CHI3L1: variants seen among roughly 807,000 people sequenced by gnomAD.
The protein encoded by CHI3L1 is chitinase 3 like 1.
In CHI3L1, 30 loss-of-function variants were observed where a neutral mutation model predicts 40.7. The ratio of observed to expected loss-of-function variants is 0.74; its 90% CI spans 0.55 to 1.00. The LOEUF (loss-of-function observed/expected upper bound fraction) is 1.00, where lower values mean the gene tolerates loss of function less well. Ranked by LOEUF, CHI3L1 falls within the 50% of genes least tolerant of loss-of-function variation. The probability of loss-of-function intolerance (pLI) is 0.00; values close to 1 mark genes in which losing one functional copy is unlikely to be tolerated. For missense variants in CHI3L1, 493 were observed against 492.2 expected, an observed-to-expected ratio of 1.00 and a Z score of -0.01; for synonymous variants, 210 against 192.1, an observed-to-expected ratio of 1.09 and a Z score of -0.77.
chr1:203,183,489 G>C, intron 5 of CHI3L1, 152 bp downstream of exon 5: 1 of 742,588 alleles, frequency 1.3e-6, no homozygotes, highest in Non-Finnish European at 2.2e-6. Flanking sequence ...TGCTATGTGA[G>C]ATCTTCAGGG....
At position 203,184,590 on chromosome 1, in the gene CHI3L1, G is replaced by T; in HGVS notation, c.300C>A (p.Asn100Lys). 3 of 1,613,984 alleles carry T rather than the reference G, an allele frequency of 1.9e-6. No homozygotes were observed. The highest frequency in any genetic ancestry group is 2.5e-6 in the Non-Finnish European group (3 of 1,179,878). The change falls in exon 4 of 10, where the codon AAC becomes AAA. Residue 100 changes from asparagine to lysine, a missense_variant. Transcript: ENST00000255409. ...GAGGCTCCTACCTTTGAGACCCAAA[G>T]TTCCATCCTCCGACAGACAAGAGAG... ...LKTLLSVGGW[N>K]FGSQRFSKIA...
intron 1 of CHI3L1, 124 bp downstream of exon 1, chr1:203,186,475 C>T (rs1172446235): frequency 4.6e-5 from 68 of 1,470,056 alleles, no homozygotes; most frequent in Non-Finnish European, 6.4e-5. Flanking sequence ...CCTCCCCTGG[C>T]TCTGCTTCTC....
In CHI3L1 at chr1:203,185,242, C is replaced by T. The variant is rs199705137; in HGVS notation, c.199G>A (p.Asp67Asn). 250 of 1,614,100 alleles carry T rather than the reference C, an allele frequency of 1.5e-4. 1 individual carries two copies. The highest frequency in any genetic ancestry group is 1.9e-4 in the Non-Finnish European group (230 of 1,180,012). ...SFANISNDHI[D>N]TWEWNDVTLY... is the part of the protein sequence containing the mutation. ...GTCACATCATTCCACTCCCAGGTGTCGATGTGATCGTTGCTTATATTGGCA... is the reference window on the plus strand; with the variant it reads ...GTCACATCATTCCACTCCCAGGTGTTGATGTGATCGTTGCTTATATTGGCA... Residue 67 changes from aspartate to asparagine, a missense_variant, in exon 3 of 10, where the codon GAC becomes AAC. Coordinates refer to ENST00000255409, the MANE Select transcript of CHI3L1 (RefSeq NM_001276.4).
chr1:203,180,833 A>G (rs1655920547), intron 7 of CHI3L1, among the ~76,000 whole-genome samples, 181 bp from the exon 8 acceptor site: 1 of 152,184 alleles, frequency 6.6e-6, no homozygotes, highest in African/African-American at 2.4e-5. Context: ...CTTGAAAAAA[A>G]TCCTTTGAGG....
chr1:203,183,126 C>A (rs1231518319), intron 5 of CHI3L1, among the ~76,000 whole-genome samples: 3 of 152,154 alleles, frequency 2.0e-5, no homozygotes, highest in African/African-American at 7.2e-5. Context: ...AGTGGGTGAC[C>A]CCTATTGGCC....
rs780043762 is a variant in CHI3L1 at position 203,179,464 on chromosome 1, T to A, written c.1133A>T (p.Asp378Val). The A allele has an allele frequency of 7.8e-6, 12 of 1,545,886 alleles. No individual in the cohort carries two copies. The East Asian group carries it at 2.7e-4, about 35-fold the overall frequency. The change falls in exon 10 of 10, where the codon GAT (aspartate) becomes GTT (valine). Residue 378 changes from aspartate (D) to valine (V), a missense_variant. Transcript: ENST00000255409. ...AGAGGGCTACGTTGCAGCGAGTGCA[T>A]CCTTGATGGCATTGGTGAGAGGGAA... is the stretch of plus-strand genomic sequence containing the variant. ...LRFPLTNAIK[D>V]ALAAT
intron 1 of CHI3L1, 68 bp downstream of exon 1, chr1:203,186,531 G>A: frequency 6.3e-7 from 1 of 1,590,644 alleles, no homozygotes; most frequent in Non-Finnish European, 8.6e-7. Flanking sequence ...GCAGGCAGAT[G>A]GCTCTGCGGG....
chr1:203,180,689 G>C, intron 7 of CHI3L1, 37 bp from the exon 8 acceptor site: 1 of 1,513,714 alleles, frequency 6.6e-7, no homozygotes, highest in Non-Finnish European at 9.0e-7. Context: ...TGAGCAGTTA[G>C]TGCACAGGTG....
At chr1:203,186,197 C>T in intron 2 of CHI3L1, 119 bp downstream of exon 2, 1 of 1,078,574 alleles carries the variant, frequency 9.3e-7, no homozygotes, top group Non-Finnish European at 1.4e-6. Flanking sequence ...ATTTCGAAGT[C>T]ATTGGAAGCA....
At chr1:203,186,219 G>A in intron 2 of CHI3L1, 97 bp downstream of exon 2, 1 of 1,336,708 alleles carries the variant, frequency 7.5e-7, no homozygotes, top group African/African-American at 1.5e-5. Context: ...AGAAGAACCT[G>A]GCAAAGTGTT....
intron 5 of CHI3L1, among the ~76,000 whole-genome samples, chr1:203,183,056 C>T (rs2297839): frequency 0.22 from 33,229 of 152,088 alleles, 4,057 homozygotes; most frequent in South Asian, 0.28. Context: ...AATCTTCTCC[C>T]CAAACCCATG....
Position 203,179,546 on chromosome 1 carries a change from C to T in CHI3L1, c.1051G>A (p.Val351Ile), listed in dbSNP as rs148314652. Reference sequence around the variant, plus strand: ...AAGTCATCCAGGTCCAGGGCCCATACCATGGCGCCCGCCAGCTGCCTGTCC... The same window carrying T: ...AAGTCATCCAGGTCCAGGGCCCATATCATGGCGCCCGCCAGCTGCCTGTCC... ...LKDRQLAGAMVWALDLDDFQG... is the reference protein window; with the variant it reads ...LKDRQLAGAMIWALDLDDFQG... Residue 351 changes from valine (V) to isoleucine (I), a missense_variant, in exon 10 of 10, where the codon GTA becomes ATA. By Grantham distance (29) the Val-to-Ile change is conservative. Coordinates refer to ENST00000255409, the MANE Select transcript of CHI3L1 (RefSeq NM_001276.4). 37 of 1,607,948 alleles carry T rather than the reference C, an allele frequency of 2.3e-5. No individual in the cohort carries two copies. In the Admixed American group the frequency reaches 5.2e-4, roughly 23 times the overall value.
chr1:203,180,401 G>A (rs1655908570), intron 8 of CHI3L1, 69 bp downstream of exon 8: 3 of 1,349,994 alleles, frequency 2.2e-6, no homozygotes, highest in Non-Finnish European at 3.0e-6. Flanking sequence ...CAAGAACGTG[G>A]TGGGGAATCA....
At chr1:203,179,907 G>A in intron 8 of CHI3L1, 30 bp from the exon 9 acceptor site, 1 of 1,608,080 alleles carries the variant, frequency 6.2e-7, no homozygotes, top group Non-Finnish European at 8.5e-7. Flanking sequence ...AAGGCAGTGT[G>A]GGGAGTCGTG....
At chr1:203,185,586 A>C (rs1656039791) in intron 2 of CHI3L1, among the ~76,000 whole-genome samples, 1 of 152,222 alleles carries the variant, frequency 6.6e-6, no homozygotes, top group Admixed American at 6.5e-5. Flanking sequence ...GGTGAAAATA[A>C]GGCCTATTCT....
rs754579093 is a variant in CHI3L1 at position 203,180,519 on chromosome 1, C to T, written c.845G>A (p.Gly282Glu). Residue 282 changes from glycine (G) to glutamate (E), a missense_variant, in exon 8 of 10, where the codon GGA (glycine) becomes GAA (glutamate). Coordinates refer to ENST00000255409, the MANE Select transcript of CHI3L1 (RefSeq NM_001276.4). ...TGVGAPISGP[G>E]IPGRFTKEAG... ...CTCCTTGGTGAACCGGCCTGGAATTCCCGGTCCTGAGATTGGGGCTCCAAC... is the reference window on the plus strand; with the variant it reads ...CTCCTTGGTGAACCGGCCTGGAATTTCCGGTCCTGAGATTGGGGCTCCAAC... 1.1e-5 allele frequency: 18 copies of T among 1,609,876 alleles called. No individual in the cohort carries two copies. The South Asian group carries it at 1.8e-4, about 16-fold the overall frequency.
intron 3 of CHI3L1, 53 bp from the exon 4 acceptor site, chr1:203,184,685 C>A: frequency 6.6e-7 from 1 of 1,509,694 alleles, no homozygotes; most frequent in Middle Eastern, 1.7e-4. Flanking sequence ...ATTGTCATGA[C>A]ACTGGGTGGC....
intron 3 of CHI3L1, 103 bp downstream of exon 3, chr1:203,185,081 A>G (rs1656027523): frequency 3.2e-6 from 3 of 927,466 alleles, no homozygotes; most frequent in African/African-American, 3.3e-5. Context: ...CTCTCCAAAC[A>G]TAGGTGAGCA....
Position 203,180,530 on chromosome 1 carries a change from G to A in CHI3L1, c.834C>T (p.Ile278=). The A allele has an allele frequency of 6.2e-7, 1 of 1,611,298 alleles. No homozygotes were observed. The change falls in exon 8 of 10, where the codon ATC becomes ATT. Residue 278 remains isoleucine (I), a synonymous_variant. Transcript: ENST00000255409. ...ACCGGCCTGGAATTCCCGGTCCTGA[G>A]ATTGGGGCTCCAACACCAGTCTCAG... ...ASSETGVGAP[I]SGPGIPGRFT... is the part of the protein sequence containing the mutation.
Sources: allele counts gnomAD v4.1 joint callset (sites outside exome capture counted in the v4.1 genomes callset), GRCh38; gene constraint gnomAD v4.1.1; transcripts MANE v1.5; gene names NCBI Gene and HGNC (gene_info 2026-07-23, HGNC 2026-07-21).